The following PITPNM1 variants were observed in gnomAD, a reference collection of about 807,000 sequenced individuals.
PITPNM1 encodes the protein phosphatidylinositol transfer protein membrane associated 1.
Under a neutral mutation model 133.3 loss-of-function variants are expected in PITPNM1, and 74 were observed. The observed-to-expected ratio is 0.56, with a 90% CI of 0.46 to 0.67. The LOEUF is 0.67. Among genes scored for constraint, PITPNM1 ranks in the 30% least tolerant of loss-of-function variants. PITPNM1 has a pLI of 0.00. For synonymous variants in PITPNM1, 738 were observed against 741.4 expected (o/e 1.00, Z 0.08); for missense variants, 1,398 against 1,739.5 (o/e 0.80, Z 3.49).
chr11:67,498,589 C>A lies in PITPNM1; in HGVS notation c.1484+7G>T. 6.3e-7 allele frequency: 1 copy of A among 1,593,736 alleles called. No individual in the cohort carries two copies. Among genetic ancestry groups the A allele is most frequent in the Non-Finnish European group, 8.5e-7 (1 of 1,176,922 alleles). ...GAGTTCCCTGCCCTTCCACCCGTGG[C>A]TAGTACTTGGAGACAAGGGCATAGG... On this transcript the variant is annotated splice_region_variant and intron_variant, in intron 10 of 23. Coordinates refer to ENST00000356404, the MANE Select transcript of PITPNM1 (RefSeq NM_004910.3). This position sits in a 1 kb window ranked among gnomAD's most constrained non-coding sequence, Gnocchi z 5.7.
Position 67,504,661 on chromosome 11 carries a change from A to T in PITPNM1, c.-41-440T>A, listed in dbSNP as rs1429682368. ...CCCGCCCCTTGCATCCCCTTCCCGGAGTCGGCGGGGTCCCAAGTCCCCCAC... is the reference window on the plus strand; with the variant it reads ...CCCGCCCCTTGCATCCCCTTCCCGGTGTCGGCGGGGTCCCAAGTCCCCCAC... On this transcript the variant is annotated intron_variant, in intron 1 of 23. Transcript: ENST00000356404. The surrounding 1 kb of genome is among the most constrained non-coding windows in gnomAD (Gnocchi z 5.4). The T allele has an allele frequency of 6.6e-6, 1 of 151,972 alleles. No individual in the cohort carries two copies. The highest frequency in any genetic ancestry group is 2.4e-5 in the African/African-American group (1 of 41,378). 9.4% of individuals were successfully genotyped at this position (151,972 alleles called of 1,614,324 possible).
At position 67,492,940 on chromosome 11, in the gene PITPNM1, C is replaced by CT; in HGVS notation, c.3464dup (p.Cys1156ValfsTer64). ...GCCTTCACTTGGGCCTCACCTGGCA[C>CT]TGCGCCTGTAGCTTCCGCACGGCAC... On this transcript the variant is annotated frameshift_variant, in exon 23 of 24. Transcript: ENST00000356404. LOFTEE classifies it high-confidence loss of function. 1 of 1,612,318 alleles carries CT rather than the reference C, an allele frequency of 6.2e-7. No individual in the cohort carries two copies.
chr11:67,493,111 C>G, intron 22 of PITPNM1, 49 bp from the exon 23 acceptor site: 2 of 1,608,252 alleles, frequency 1.2e-6, no homozygotes, highest in South Asian at 1.1e-5. Flanking sequence ...AGCCGTGCAG[C>G]TGGGGGCGGG....
At position 67,498,163 on chromosome 11, in the gene PITPNM1, G is replaced by A. The variant is rs138234349; in HGVS notation, c.1644C>T (p.Arg548=). The A allele has an allele frequency of 2.8e-5, 45 of 1,613,002 alleles. No individual in the cohort carries two copies. The highest frequency in any genetic ancestry group is 4.4e-5 in the South Asian group (4 of 91,088). Residue 548 remains arginine, a synonymous_variant, in exon 11 of 24, where the codon CGC becomes CGT. Transcript: ENST00000356404. The surrounding 1 kb of genome is among the most constrained non-coding windows in gnomAD (Gnocchi z 5.7). Reference sequence around the variant, plus strand: ...CACAGAAGCCGGCACCCTCAGGTGAGCGCAGGAAGGCTGAGTAGGCCTGGT... The same window carrying A: ...CACAGAAGCCGGCACCCTCAGGTGAACGCAGGAAGGCTGAGTAGGCCTGGT... ...RTNQAYSAFL[R]SPEGAGFCGQ...
intron 5 of PITPNM1, 59 bp downstream of exon 5, chr11:67,501,803 C>T (rs1030109195): frequency 2.0e-6 from 3 of 1,467,246 alleles, no homozygotes; most frequent in Non-Finnish European, 2.8e-6. Context: ...ATCCCTGGCC[C>T]TAAACATGGG....
At chr11:67,503,893 G>A in intron 2 of PITPNM1, 2 of 492,082 alleles carry the variant, frequency 4.1e-6, no homozygotes, top group East Asian at 6.8e-5. Flanking sequence ...AGGATTACAG[G>A]AGATCAGAGG....
At chr11:67,493,334 T>C (rs1865997716) in intron 22 of PITPNM1, 76 bp downstream of exon 22, 1 of 1,394,720 alleles carries the variant, frequency 7.2e-7, no homozygotes, top group Admixed American at 2.3e-5. Context: ...CAGATGGGCC[T>C]CCGCCGATCC....
rs199551298 is a variant in PITPNM1, at chr11:67,504,868, C to CA, written c.-42+319dup. 1,662 of 153,094 alleles carry CA rather than the reference C, an allele frequency of 0.011. 14 individuals carry two copies. The highest frequency in any genetic ancestry group is 0.017 in the Admixed American group (266 of 15,318). 9.5% of individuals were successfully genotyped at this position (153,094 alleles called of 1,614,324 possible). The stretch of plus-strand genomic sequence containing the variant: ...AGCCGGGTCCTCGACCTCCCCCTCC[C>CA]AGCATCCTTCCTGGACCCCTGGCCC... On this transcript the variant is annotated intron_variant, in intron 1 of 23. Transcript: ENST00000356404. This position sits in a 1 kb window ranked among gnomAD's most constrained non-coding sequence, Gnocchi z 5.4.
At chr11:67,493,172 G>A (rs1308258536) in intron 22 of PITPNM1, 110 bp from the exon 23 acceptor site, 11 of 1,332,534 alleles carry the variant, frequency 8.3e-6, no homozygotes, top group African/African-American at 1.4e-5. Flanking sequence ...GGCAGACGGA[G>A]GCGAAGACAG....
In PITPNM1 at chr11:67,495,145, T is replaced by A. The variant is rs757215632; in HGVS notation, c.2563A>T (p.Thr855Ser). ...PEALTAFPTV[T>S]LPHLFHASYW... ...CTGGCGTGGAAGAGGTGGGGCAGCG[T>A]GACGGTGGGAAAGGCGGTGAGCGCC... The change falls in exon 17 of 24, where the codon ACG becomes TCG. Residue 855 changes from threonine to serine, a missense_variant. This residue lies in a region of PITPNM1 where 574 missense variants were observed against 698.7 expected (regional missense o/e 0.82). Coordinates refer to ENST00000356404, the MANE Select transcript of PITPNM1 (RefSeq NM_004910.3). 1.1e-5 allele frequency: 18 copies of A among 1,612,348 alleles called. No individual in the cohort carries two copies. The highest frequency in any genetic ancestry group is 8.3e-5 in the Admixed American group (5 of 59,990).
chr11:67,496,626 C>A, intron 14 of PITPNM1: 1 of 435,628 alleles, frequency 2.3e-6, no homozygotes, highest in Non-Finnish European at 4.0e-6. Context: ...ATGGTGAAAC[C>A]CCGTCTCCAT....
intron 5 of PITPNM1, among the ~76,000 whole-genome samples, chr11:67,500,801 T>C (rs1431610758): frequency 6.6e-6 from 1 of 152,254 alleles, no homozygotes; most frequent in Non-Finnish European, 1.5e-5. Flanking sequence ...ATGAAGGTGT[T>C]AACAGTTAAT....
intron 5 of PITPNM1, 29 bp from the exon 6 acceptor site, chr11:67,500,450 C>T (rs1866290225): frequency 6.3e-7 from 1 of 1,581,784 alleles, no homozygotes; most frequent in Non-Finnish European, 8.6e-7. Flanking sequence ...CAGAACTGCC[C>T]CCTCCCCCTG....
chr11:67,497,637 G>C lies in PITPNM1; in HGVS notation c.1825C>G (p.Pro609Ala), dbSNP rs200633345. Residue 609 changes from proline to alanine, a missense_variant, in exon 13 of 24, where the codon CCC becomes GCC. Pro to Ala is a conservative substitution (Grantham distance 27). Transcript: ENST00000356404. The part of the protein sequence containing the change: ...LSPEFGPVRD[P>A]LADGVEGLGR... ...AGGCCTTCCACACCATCTGCCAGGG[G>C]GTCCCGCACTGGGCCAAACTCCGGA... The C allele has an allele frequency of 1.2e-6, 2 of 1,608,414 alleles. No individual in the cohort carries two copies. The highest frequency in any genetic ancestry group is 1.1e-5 in the South Asian group (1 of 90,584).
chr11:67,502,273 C>G lies in PITPNM1; in HGVS notation c.415+19G>C, dbSNP rs374824682. 7.5e-6 allele frequency: 12 copies of G among 1,610,406 alleles called. No homozygotes were observed. Among genetic ancestry groups the G allele is most frequent in the Non-Finnish European group, 9.3e-6 (11 of 1,179,060 alleles). ...GCCTGAGAGGGGCGCCAGGGTCCCC[C>G]CATAGCTCCAGGCCTCACCCAGGAT... On this transcript the variant is annotated intron_variant, in intron 4 of 23. Transcript: ENST00000356404. The surrounding 1 kb of genome is among the most constrained non-coding windows in gnomAD (Gnocchi z 5.9).
chr11:67,498,205 G>A lies in PITPNM1; in HGVS notation c.1602C>T (p.Thr534=), dbSNP rs763694389. The A allele has an allele frequency of 5.0e-6, 8 of 1,613,100 alleles. No individual in the cohort carries two copies. Among genetic ancestry groups the A allele is most frequent in the Non-Finnish European group, 5.9e-6 (7 of 1,179,866 alleles). The stretch of plus-strand genomic sequence containing the variant: ...AGGCCTGGTTGGTGCGGGCAATGAC[G>A]GTGGCCACGGCGCCCTGGTAGCGGG... ...SSSRYQGAVA[T]VIARTNQAYS... The change falls in exon 11 of 24, where the codon ACC becomes ACT. Residue 534 remains threonine (T), a synonymous_variant. Transcript: ENST00000356404. The surrounding 1 kb of genome is among the most constrained non-coding windows in gnomAD (Gnocchi z 5.7).
chr11:67,495,205 TC>T lies in PITPNM1; in HGVS notation c.2502del (p.Thr835ProfsTer44). ...EVVKILERWW[G>X]TKRIDYSLYC... ...TACAGCGAGTAGTCGATCCGCTTGG[TC>T]CCCCACCAGCGCTCCAGGACTGCGC... On this transcript the variant is annotated frameshift_variant, in exon 17 of 24. Transcript: ENST00000356404. LOFTEE classifies it high-confidence loss of function. The T allele has an allele frequency of 6.2e-7, 1 of 1,604,250 alleles. No individual in the cohort carries two copies. Among genetic ancestry groups the T allele is most frequent in the Non-Finnish European group, 8.5e-7 (1 of 1,175,040 alleles).
intron 5 of PITPNM1, among the ~76,000 whole-genome samples, chr11:67,501,523 C>T (rs1351691680): frequency 6.6e-6 from 1 of 152,192 alleles, no homozygotes; most frequent in Non-Finnish European, 1.5e-5. Flanking sequence ...CCTCAGCCTG[C>T]ACTCCTTAGC....
At position 67,495,159 on chromosome 11, in the gene PITPNM1, G is replaced by C; in HGVS notation, c.2549C>G (p.Ala850Gly). 6.2e-7 allele frequency: 1 copy of C among 1,612,084 alleles called. No homozygotes were observed. Among genetic ancestry groups the C allele is most frequent in the South Asian group, 1.1e-5 (1 of 91,080 alleles). The change falls in exon 17 of 24, where the codon GCC (alanine) becomes GGC (glycine). Residue 850 changes from alanine to glycine, a missense_variant. Physicochemically the swap from Ala to Gly is moderately conservative, Grantham distance 60. Around this residue, in one of 5 missense-constraint regions of PITPNM1, gnomAD observed 574 missense variants for 698.7 expected, o/e 0.82. Coordinates refer to ENST00000356404, the MANE Select transcript of PITPNM1 (RefSeq NM_004910.3). Reference protein sequence around the residue: ...YSLYCPEALTAFPTVTLPHLF... With the variant: ...YSLYCPEALTGFPTVTLPHLF... ...GTGGGGCAGCGTGACGGTGGGAAAG[G>C]CGGTGAGCGCCTCGGGGCAGTACAG...
Sources: gnomAD v4.1 joint callset for allele counts (sites outside exome capture counted in the v4.1 genomes callset) on GRCh38, gnomAD v4.1.1 for gene constraint, gnomAD v4.1.1 regional missense constraint, Gnocchi (gnomAD v3.1) non-coding constraint, MANE v1.5 for transcripts, NCBI Gene and HGNC (gene_info 2026-07-23, HGNC 2026-07-21) for gene names.